Variants in PARD3B observed in about 807,000 individuals in gnomAD.
The protein encoded by PARD3B is partitioning defective 3 homolog B.
In PARD3B, 103 loss-of-function variants were observed where a neutral mutation model predicts 130.2. The observed-to-expected ratio is 0.79, with a 90% CI of 0.67 to 0.93. The LOEUF (loss-of-function observed/expected upper bound fraction) is 0.93. Among genes scored for constraint, PARD3B ranks in the 40% least tolerant of loss-of-function variants. The pLI, the probability that PARD3B is intolerant of heterozygous loss-of-function variation, is 0.00. For synonymous variants in PARD3B, 583 were observed against 553.2 expected, an observed-to-expected ratio of 1.05 and a Z score of -0.76; for missense variants, 1,609 against 1,499.2, an observed-to-expected ratio of 1.07 and a Z score of -1.21.
chr2:205,154,286 A>G (rs1186206069), intron 10 of PARD3B, among the ~76,000 whole-genome samples: 2 of 152,244 alleles, frequency 1.3e-5, no homozygotes, highest in Non-Finnish European at 2.9e-5. Context: ...GCCAACAGAC[A>G]CATGAAAACA....
At chr2:204,557,655 C>CTT (rs201971917) in intron 1 of PARD3B, among the ~76,000 whole-genome samples, 5,314 of 152,248 alleles carry the variant, frequency 0.035, 309 homozygotes, top group African/African-American at 0.12. Context: ...AGTTTGGAGT[C>CTT]TATATATGGT....
At chr2:204,914,997 C>T (rs905609763) in intron 2 of PARD3B, among the ~76,000 whole-genome samples, 8 of 152,122 alleles carry the variant, frequency 5.3e-5, no homozygotes, top group Admixed American at 1.3e-4. Flanking sequence ...TTCCCACCTT[C>T]GCACCCCACT....
At chr2:204,902,668 C>CAAA (rs5837941) in intron 2 of PARD3B, among the ~76,000 whole-genome samples, 74 of 67,574 alleles carry the variant, frequency 1.1e-3, no homozygotes, top group African/African-American at 1.8e-3. Context: ...GACTCTGTCT[C>CAAA]AAAAAAAAAA....
At chr2:204,671,313 C>G (rs1000849008) in intron 1 of PARD3B, among the ~76,000 whole-genome samples, 2 of 152,122 alleles carry the variant, frequency 1.3e-5, no homozygotes, top group Non-Finnish European at 2.9e-5. Flanking sequence ...TTTTCAGTTT[C>G]TCCAGAGATA....
rs371403316 is a variant in PARD3B, at chr2:205,458,992, G to A, written c.3044+18320G>A. ...AACCTTTCTGTGATTCTAACTGAGA[G>A]TCTGTGTTGTTTACGAGTCCCTTCT... On this transcript the variant is annotated intron_variant, in intron 20 of 22. Transcript: ENST00000406610. The surrounding 1 kb of genome is among the most constrained non-coding windows in gnomAD (Gnocchi z 4.8). 1.3e-5 allele frequency among the ~76,000 whole-genome samples: 2 copies of A among 152,160 alleles called. No homozygotes were observed. The highest frequency in any genetic ancestry group is 2.4e-5 in the African/African-American group (1 of 41,444).
intron 2 of PARD3B, among the ~76,000 whole-genome samples, chr2:204,763,193 G>A (rs2125412266): frequency 6.6e-6 from 1 of 152,290 alleles, no homozygotes; most frequent in South Asian, 2.1e-4. Context: ...GGGACAGCAT[G>A]GATTGTTAAC....
rs143906248 is a variant in PARD3B at position 205,253,424 on chromosome 2, G to A, written c.2185+7602G>A. The A allele has an allele frequency of 2.7e-3, 1,531 of 565,730 alleles. 19 individuals carry two copies. The highest frequency in any genetic ancestry group is 0.025 in the African/African-American group (1,337 of 52,948). 35.0% of individuals were successfully genotyped at this position (565,730 alleles called of 1,614,324 possible). On this transcript the variant is annotated intron_variant, in intron 16 of 22. Transcript: ENST00000406610. The surrounding 1 kb of genome is among the most constrained non-coding windows in gnomAD (Gnocchi z 4.4). The stretch of plus-strand genomic sequence containing the variant: ...GTTTGGTCTTCTTGGCCTTGGCTGG[G>A]CTGGTGGATGGGAAGCCAGTATGGA...
chr2:205,593,801 G>A (rs1305878187), intron 22 of PARD3B, among the ~76,000 whole-genome samples: 1 of 152,096 alleles, frequency 6.6e-6, no homozygotes, highest in Non-Finnish European at 1.5e-5. Context: ...CTGTCAATAG[G>A]GATTGCAAAT....
At chr2:204,785,532 A>G (rs1220164087) in intron 2 of PARD3B, among the ~76,000 whole-genome samples, 1 of 152,138 alleles carries the variant, frequency 6.6e-6, no homozygotes, top group Admixed American at 6.5e-5. Context: ...TTAAGGTTGG[A>G]TAGATACTCC....
intron 10 of PARD3B, among the ~76,000 whole-genome samples, chr2:205,127,946 T>C (rs909930492): frequency 6.6e-6 from 1 of 152,236 alleles, no homozygotes; most frequent in Non-Finnish European, 1.5e-5. Flanking sequence ...CCAAAGACCT[T>C]GGTCTTTCTC....
At chr2:204,643,115 CAAAAAAAA>C (rs71029202) in intron 1 of PARD3B, among the ~76,000 whole-genome samples, 7 of 31,826 alleles carry the variant, frequency 2.2e-4, no homozygotes, top group Admixed American at 5.8e-4. Flanking sequence ...CTCTGTCTCA[CAAAAAAAA>C]AAAAAAAAAA....
chr2:204,991,136 T>G (rs1693640825), intron 3 of PARD3B, among the ~76,000 whole-genome samples: 1 of 152,138 alleles, frequency 6.6e-6, no homozygotes, highest in Non-Finnish European at 1.5e-5. Flanking sequence ...GCAGGTTAGT[T>G]ACATATGTAT....
intron 6 of PARD3B, among the ~76,000 whole-genome samples, chr2:205,115,808 T>C (rs1211477560): frequency 6.6e-6 from 1 of 152,208 alleles, no homozygotes; most frequent in Non-Finnish European, 1.5e-5. Context: ...TTCGTTAAGG[T>C]CATAGTGGTA....
At chr2:205,031,517 A>G (rs541437011) in intron 3 of PARD3B, among the ~76,000 whole-genome samples, 1 of 152,278 alleles carries the variant, frequency 6.6e-6, no homozygotes, top group African/African-American at 2.4e-5. Flanking sequence ...GCTGACTTAG[A>G]TACTGGCCTC....
At chr2:205,375,424 G>A (rs965116640) in intron 18 of PARD3B, among the ~76,000 whole-genome samples, 4 of 152,312 alleles carry the variant, frequency 2.6e-5, no homozygotes, top group African/African-American at 9.6e-5. Flanking sequence ...CTCTGGGTCA[G>A]TGTAAATGAT....
chr2:205,397,208 C>A lies in PARD3B; in HGVS notation c.2631-3805C>A, dbSNP rs568463137. Reference sequence around the variant, plus strand: ...TTTTATAATGCTTTTCTTGGGCCTACCCAAACTTTACAAAATAAGGTAATT... The same window carrying A: ...TTTTATAATGCTTTTCTTGGGCCTAACCAAACTTTACAAAATAAGGTAATT... On this transcript the variant is annotated intron_variant, in intron 18 of 22. Coordinates refer to ENST00000406610, the MANE Select transcript of PARD3B (RefSeq NM_001302769.2). The surrounding 1 kb of genome is among the most constrained non-coding windows in gnomAD (Gnocchi z 4.8). 6.6e-6 allele frequency among the ~76,000 whole-genome samples: 1 copy of A among 152,114 alleles called. No homozygotes were observed. The highest frequency in any genetic ancestry group is 1.5e-5 in the Non-Finnish European group (1 of 68,018).
At chr2:205,220,474 C>T (rs903174586) in intron 15 of PARD3B, among the ~76,000 whole-genome samples, 2 of 152,172 alleles carry the variant, frequency 1.3e-5, no homozygotes, top group South Asian at 4.1e-4. Context: ...TGCCTCATTA[C>T]CAACTTTCAA....
chr2:204,606,413 C>T lies in PARD3B; in HGVS notation c.120+60294C>T, dbSNP rs1403318850. Among the ~76,000 whole-genome samples the T allele has an allele frequency of 6.6e-6, 1 of 152,114 alleles. No individual in the cohort carries two copies. Among genetic ancestry groups the T allele is most frequent in the African/African-American group, 2.4e-5 (1 of 41,440 alleles). On this transcript the variant is annotated intron_variant, in intron 1 of 22. Transcript: ENST00000406610. This position sits in a 1 kb window ranked among gnomAD's most constrained non-coding sequence, Gnocchi z 4.0. ...AAGGGGATCTGTTGACTGTATCAGT[C>T]AGGGTCCCTGGCTGATGAAGGCTCC...
chr2:205,616,483 T>C lies in PARD3B; in HGVS notation c.*670T>C, dbSNP rs1309059783. The stretch of plus-strand genomic sequence containing the variant: ...ACATTTCATGTTTCCTCACTTTTGA[T>C]ATGAAAGTCGGTAAAATGCAGTATT... On this transcript the variant is annotated 3_prime_UTR_variant, in exon 23 of 23. Transcript: ENST00000406610. 1 of 152,232 alleles carries C rather than the reference T, an allele frequency of 6.6e-6. No homozygotes were observed. Among genetic ancestry groups the C allele is most frequent in the Non-Finnish European group, 1.5e-5 (1 of 68,070 alleles). 9.4% of individuals were successfully genotyped at this position (152,232 alleles called of 1,614,324 possible).
Sources: gnomAD v4.1 joint callset for allele counts (sites outside exome capture counted in the v4.1 genomes callset) on GRCh38, gnomAD v4.1.1 for gene constraint, Gnocchi (gnomAD v3.1) non-coding constraint, MANE v1.5 for transcripts, NCBI Gene and HGNC (gene_info 2026-07-23, HGNC 2026-07-21) for gene names.